Variants in MYH1 observed in about 807,000 individuals in gnomAD.
MYH1 encodes myosin-1.
In MYH1, 214 loss-of-function variants were observed where a neutral mutation model predicts 225.6. The ratio of observed to expected loss-of-function variants is 0.95; its 90% CI spans 0.85 to 1.06. The LOEUF (loss-of-function observed/expected upper bound fraction) is 1.06. Ranked by LOEUF, MYH1 falls within the 50% of genes least tolerant of loss-of-function variation. MYH1 has a pLI of 0.00. For missense variants in MYH1, 2,098 were observed against 2,344.2 expected (o/e 0.89, Z 2.17); for synonymous variants, 774 against 842.3 (o/e 0.92, Z 1.40).
At chr17:10,492,711 TTTA>T (rs1472697549) in intron 39 of MYH1, 143 bp from the exon 40 acceptor site, 3 of 898,832 alleles carry the variant, frequency 3.3e-6, no homozygotes, top group Non-Finnish European at 4.7e-6. Context: ...CTCTTGAATT[TTTA>T]TTTTTTTTTA....
chr17:10,496,945 C>G, intron 33 of MYH1, 124 bp downstream of exon 33: 1 of 1,270,264 alleles, frequency 7.9e-7, no homozygotes, highest in Non-Finnish European at 1.1e-6. Context: ...GATCAGTTCT[C>G]CATTCTCATC....
Position 10,505,825 on chromosome 17 carries a change from C to T in MYH1, c.2161G>A (p.Asp721Asn). ...AAAATGTCTGACCTCTGTTTGAAGTCTGCATAAAGGATTCTGCTTGGGAAG... is the reference window on the plus strand; with the variant it reads ...AAAATGTCTGACCTCTGTTTGAAGTTTGCATAAAGGATTCTGCTTGGGAAG... ...KGFPSRILYADFKQRYKVLNA... is the reference protein window; with the variant it reads ...KGFPSRILYANFKQRYKVLNA... The change falls in exon 19 of 40, where the codon GAC becomes AAC. Residue 721 changes from aspartate to asparagine, a missense_variant. Physicochemically the swap from Asp to Asn is conservative, Grantham distance 23 (BLOSUM62 1). Coordinates refer to ENST00000226207, the MANE Select transcript of MYH1 (RefSeq NM_005963.4). 6.2e-7 allele frequency: 1 copy of T among 1,614,004 alleles called. No individual in the cohort carries two copies. The highest frequency in any genetic ancestry group is 2.2e-5 in the East Asian group (1 of 44,882).
intron 28 of MYH1, 47 bp downstream of exon 28, chr17:10,500,579 T>C (rs1426383427): frequency 6.2e-7 from 1 of 1,610,510 alleles, no homozygotes; most frequent in Non-Finnish European, 8.5e-7. Context: ...GGATTACACA[T>C]GCAGGGTGAA....
chr17:10,506,691 C>T (rs2073115625), intron 17 of MYH1, among the ~76,000 whole-genome samples: 2 of 152,056 alleles, frequency 1.3e-5, no homozygotes, highest in Non-Finnish European at 2.9e-5. Context: ...CGGGGTTTCA[C>T]CATGTTGGCC....
chr17:10,497,169 T>G lies in MYH1; in HGVS notation c.4556A>C (p.Gln1519Pro). ...GATGCGCTTTCCTCCTTCTGCAATC[T>G]GTTCAGTGAGATCAGAAATCTCCTC... ...LQQEISDLTE[Q>P]IAEGGKRIHE... Residue 1519 changes from glutamine to proline, a missense_variant, in exon 33 of 40, where the codon CAG becomes CCG. Coordinates refer to ENST00000226207, the MANE Select transcript of MYH1 (RefSeq NM_005963.4). 6.2e-7 allele frequency: 1 copy of G among 1,613,452 alleles called. No individual in the cohort carries two copies. The highest frequency in any genetic ancestry group is 8.5e-7 in the Non-Finnish European group (1 of 1,179,866).
In MYH1 at chr17:10,516,469, C is replaced by T. The variant is rs147810417; in HGVS notation, c.174G>A (p.Gly58=). 15 of 1,614,072 alleles carry T rather than the reference C, an allele frequency of 9.3e-6. No homozygotes were observed. The highest frequency in any genetic ancestry group is 2.2e-5 in the South Asian group (2 of 91,090). The change falls in exon 3 of 40, where the codon GGG becomes GGA. Residue 58 remains glycine (G), a synonymous_variant. Coordinates refer to ENST00000226207, the MANE Select transcript of MYH1 (RefSeq NM_005963.4). ...VKATVQSREG[G]KVTAKTEAGA... ...CAGCTTCGGTCTTAGCTGTCACCTTCCCCCCTTCCCTGCTCTGCACTGTTG... is the reference window on the plus strand; with the variant it reads ...CAGCTTCGGTCTTAGCTGTCACCTTTCCCCCTTCCCTGCTCTGCACTGTTG...
In MYH1 at chr17:10,499,003, G is replaced by C. The variant is rs182799256; in HGVS notation, c.3955C>G (p.Leu1319Val). ...KQAFTQQIEE[L>V]KRQLEEEIKA... ...ATCTCCTCTTCAAGTTGCCTTTTCAGTTCCTCAATCTGTTGTGTAAAGGCT... is the reference window on the plus strand; with the variant it reads ...ATCTCCTCTTCAAGTTGCCTTTTCACTTCCTCAATCTGTTGTGTAAAGGCT... The change falls in exon 29 of 40, where the codon CTG becomes GTG. Residue 1319 changes from leucine to valine, a missense_variant. Leu to Val is a conservative substitution (Grantham distance 32). Transcript: ENST00000226207. 5.0e-6 allele frequency: 8 copies of C among 1,613,810 alleles called. No homozygotes were observed. In the East Asian group the frequency reaches 1.8e-4, roughly 36 times the overall value.
chr17:10,506,184 C>T, intron 17 of MYH1, 85 bp from the exon 18 acceptor site: 1 of 1,532,092 alleles, frequency 6.5e-7, no homozygotes, highest in Non-Finnish European at 8.9e-7. Context: ...AGATCTATGA[C>T]AGTGGTTTAA....
rs112700540 is a variant in MYH1, at chr17:10,507,095, G to A, written c.1968+791C>T. 2.5e-3 allele frequency among the ~76,000 whole-genome samples: 379 copies of A among 152,154 alleles called. 4 individuals are homozygous for A. Among genetic ancestry groups the A allele is most frequent in the African/African-American group, 8.9e-3 (368 of 41,512 alleles). ...CTTTTTTTCCTTGAGATGGAGTCTT[G>A]CTCTGTCACCCAGGCTGGAGTACAG... is the stretch of plus-strand genomic sequence containing the variant. On this transcript the variant is annotated intron_variant, in intron 17 of 39. Coordinates refer to ENST00000226207, the MANE Select transcript of MYH1 (RefSeq NM_005963.4).
At chr17:10,515,805 A>C (rs1222614323) in intron 5 of MYH1, 121 bp downstream of exon 5, 1 of 1,519,382 alleles carries the variant, frequency 6.6e-7, no homozygotes, top group East Asian at 2.3e-5. Context: ...TGCTTTAGTC[A>C]CCTCTGCTGA....
chr17:10,501,202 G>C lies in MYH1; in HGVS notation c.3646C>G (p.Arg1216Gly), dbSNP rs751690695. ...ELGEQIDNLQRVKQKLEKEKS... is the reference protein window; with the variant it reads ...ELGEQIDNLQGVKQKLEKEKS... ...TCCTTCTCCAGCTTCTGCTTCACTC[G>C]CTGCAGGTTGTCAATCTGCTCCCCA... The change falls in exon 27 of 40, where the codon CGA becomes GGA. Residue 1216 changes from arginine to glycine, a missense_variant. Transcript: ENST00000226207. The C allele has an allele frequency of 6.2e-7, 1 of 1,614,000 alleles. No individual in the cohort carries two copies. The highest frequency in any genetic ancestry group is 8.5e-7 in the Non-Finnish European group (1 of 1,179,996).
Position 10,496,609 on chromosome 17 carries a change from T to C in MYH1, c.4657-60A>G. On this transcript the variant is annotated intron_variant, in intron 33 of 39. Coordinates refer to ENST00000226207, the MANE Select transcript of MYH1 (RefSeq NM_005963.4). ...ATGGAAGTGTGTAGTATTCTAGAGA[T>C]AAGAATGATTTATCATTCATGAAAC... 1.9e-6 allele frequency: 3 copies of C among 1,606,334 alleles called. No individual in the cohort carries two copies. The South Asian group carries it at 3.3e-5, about 18-fold the overall frequency.
chr17:10,494,393 T>A lies in MYH1; in HGVS notation c.5628A>T (p.Gln1876His). The A allele has an allele frequency of 6.2e-7, 1 of 1,614,238 alleles. No homozygotes were observed. Residue 1876 changes from glutamine to histidine, a missense_variant, in exon 39 of 40, where the codon CAA (glutamine) becomes CAT (histidine). Coordinates refer to ENST00000226207, the MANE Select transcript of MYH1 (RefSeq NM_005963.4). ...GTCTCTTGTAGGATTTCACCTTTGC[T>A]TGCAGTTTGTCCACCAGGTCCTGGA... ...LRLQDLVDKL[Q>H]AKVKSYKRQA...
chr17:10,516,404 G>A, intron 3 of MYH1, 35 bp downstream of exon 3: 2 of 1,614,146 alleles, frequency 1.2e-6, no homozygotes, highest in African/African-American at 2.7e-5. Context: ...CCAAAATGAG[G>A]CAGAGTCTAA....
chr17:10,506,254 T>G (rs149712584), intron 17 of MYH1, among the ~76,000 whole-genome samples, 155 bp from the exon 18 acceptor site: 72 of 152,352 alleles, frequency 4.7e-4, no homozygotes, highest in African/African-American at 1.6e-3. Flanking sequence ...ATTTCCACAT[T>G]CCTAATATGT....
At chr17:10,493,108 T>C (rs915419972) in intron 39 of MYH1, among the ~76,000 whole-genome samples, 1 of 152,218 alleles carries the variant, frequency 6.6e-6, no homozygotes, top group African/African-American at 2.4e-5. Flanking sequence ...TAGTCTCTGG[T>C]AATCATTCTT....
chr17:10,494,374 T>G lies in MYH1; in HGVS notation c.5647A>C (p.Lys1883Gln). The G allele has an allele frequency of 6.2e-7, 1 of 1,614,198 alleles. No homozygotes were observed. Among genetic ancestry groups the G allele is most frequent in the East Asian group, 2.2e-5 (1 of 44,882 alleles). ...DKLQAKVKSY[K>Q]RQAEEAEEQS... ...CTCACCGCTTCTTCAGCTTGTCTCT[T>G]GTAGGATTTCACCTTTGCTTGCAGT... The change falls in exon 39 of 40, where the codon AAG becomes CAG. Residue 1883 changes from lysine (K) to glutamine (Q), a missense_variant. Transcript: ENST00000226207.
At position 10,512,544 on chromosome 17, in the gene MYH1, A is replaced by T; in HGVS notation, c.1011T>A (p.Ser337Arg). The T allele has an allele frequency of 4.3e-6, 7 of 1,614,110 alleles. No homozygotes were observed. The highest frequency in any genetic ancestry group is 5.1e-6 in the Non-Finnish European group (6 of 1,179,988). Residue 337 changes from serine (S) to arginine (R), a missense_variant and splice_region_variant, in exon 12 of 40, where the codon AGT becomes AGA. Physicochemically the swap from Ser to Arg is moderately radical, Grantham distance 110. Coordinates refer to ENST00000226207, the MANE Select transcript of MYH1 (RefSeq NM_005963.4). ...DDQEELMATD[S>R]AIEILGFTSD... The stretch of plus-strand genomic sequence containing the variant: ...AAGTAAAGCCCAGAATTTCAATGGC[A>T]CTCTACCATGAGAGATGAGAAGACA...
At chr17:10,516,704 T>C (rs1181716754) in intron 2 of MYH1, 22 bp from the exon 3 acceptor site, 8 of 1,584,360 alleles carry the variant, frequency 5.0e-6, no homozygotes, top group Non-Finnish European at 6.0e-6. Context: ...AGAAAAGAAA[T>C]TGTAGAAATT....
Sources: allele counts gnomAD v4.1 joint callset (sites outside exome capture counted in the v4.1 genomes callset), GRCh38; gene constraint gnomAD v4.1.1; transcripts MANE v1.5; gene names NCBI Gene and HGNC (gene_info 2026-07-23, HGNC 2026-07-21).